GALK2: variants seen among roughly 807,000 people sequenced by gnomAD.
The protein encoded by GALK2 is galactokinase 2.
GALK2 carries 36 observed loss-of-function variants against 52.4 expected under a neutral mutation model. That is an observed-to-expected ratio of 0.69 (90% CI 0.53 to 0.91). The LOEUF (loss-of-function observed/expected upper bound fraction) is 0.91, where lower values mean the gene tolerates loss of function less well. Ranked by LOEUF, GALK2 falls within the 40% of genes least tolerant of loss-of-function variation. The pLI, the probability that GALK2 is intolerant of heterozygous loss-of-function variation, is 0.00. For synonymous variants in GALK2, 176 were observed against 199.1 expected (o/e 0.88, Z 0.98); for missense variants, 579 against 559.1 (o/e 1.04, Z -0.36).
At chr15:49,156,276 G>A (rs573087613) in intron 1 of GALK2, 230 of 490,472 alleles carry the variant, frequency 4.7e-4, no homozygotes, top group Admixed American at 9.4e-4. Flanking sequence ...ACAACGACTG[G>A]TTTTTAAAAA....
chr15:49,185,605 T>C (rs2086283758), intron 1 of GALK2: 1 of 152,216 alleles, frequency 6.6e-6, no homozygotes, highest in African/African-American at 2.4e-5. Context: ...GTCCCCTTTT[T>C]CTCTGCAGCC....
At chr15:49,241,800 T>C (rs1455529221) in intron 5 of GALK2, among the ~76,000 whole-genome samples, 1 of 152,146 alleles carries the variant, frequency 6.6e-6, no homozygotes, top group Non-Finnish European at 1.5e-5. Flanking sequence ...ATCTAAGAAA[T>C]AGGAAGGAAA....
chr15:49,307,591 T>G (rs1482761732), intron 8 of GALK2, among the ~76,000 whole-genome samples: 1 of 151,956 alleles, frequency 6.6e-6, no homozygotes, highest in East Asian at 1.9e-4. Flanking sequence ...GACCCTGGAG[T>G]TATTTACAGA....
intron 1 of GALK2, among the ~76,000 whole-genome samples, chr15:49,163,553 A>C (rs1437684920): frequency 6.6e-6 from 1 of 152,168 alleles, no homozygotes; most frequent in African/African-American, 2.4e-5. Flanking sequence ...ATGGATGTCA[A>C]ATTGTTCCAG....
chr15:49,287,123 A>G (rs1567023129), intron 7 of GALK2, among the ~76,000 whole-genome samples: 1 of 152,160 alleles, frequency 6.6e-6, no homozygotes. Context: ...GTAGCTGAAG[A>G]TCTTAATCCA....
chr15:49,365,409 C>G, intron 3 of GALK2: 1 of 1,063,284 alleles, frequency 9.4e-7, no homozygotes, highest in Admixed American at 1.7e-5. Flanking sequence ...TAAACATCAA[C>G]TCTTCTACAG....
At chr15:49,247,932 C>G (rs2091429833) in intron 5 of GALK2, among the ~76,000 whole-genome samples, 1 of 152,182 alleles carries the variant, frequency 6.6e-6, no homozygotes, top group African/African-American at 2.4e-5. Flanking sequence ...GGGGTTGATA[C>G]TCTTTTCAGG....
intron 5 of GALK2, among the ~76,000 whole-genome samples, chr15:49,246,502 C>T (rs1194447975): frequency 6.6e-6 from 1 of 152,064 alleles, no homozygotes; most frequent in African/African-American, 2.4e-5. Flanking sequence ...ATCCCCCATA[C>T]TGAAGTCTAA....
chr15:49,217,595 C>T (rs531506025), intron 3 of GALK2, among the ~76,000 whole-genome samples: 2 of 152,192 alleles, frequency 1.3e-5, no homozygotes, highest in Non-Finnish European at 2.9e-5. Flanking sequence ...TACTTATCAT[C>T]TATTGATCTA....
chr15:49,187,830 G>T (rs184149054), intron 1 of GALK2, among the ~76,000 whole-genome samples: 1 of 152,154 alleles, frequency 6.6e-6, no homozygotes, highest in Admixed American at 6.5e-5. Flanking sequence ...CTCCCTTCAG[G>T]GTAGTGAGCT....
chr15:49,303,874 A>G (rs998348545), intron 8 of GALK2, among the ~76,000 whole-genome samples: 5 of 152,218 alleles, frequency 3.3e-5, no homozygotes, highest in Admixed American at 1.3e-4. Flanking sequence ...AAAATGTATA[A>G]TTTCTAAACT....
rs75746861 is a variant in GALK2, at chr15:49,321,966, T to C, written c.1169+2161T>C. On this transcript the variant is annotated intron_variant, in intron 9 of 9. Transcript: ENST00000560031. ...AAAAGTGGGCTGGAAGTGAGGAAGC[T>C]TGGATTCCGACTCTCTTTTCATTCT... 3.0e-3 allele frequency among the ~76,000 whole-genome samples: 461 copies of C among 152,292 alleles called. 6 individuals are homozygous for C. Among genetic ancestry groups the C allele is most frequent in the African/African-American group, 0.011 (437 of 41,558 alleles).
chr15:49,174,031 C>T (rs766338634), intron 1 of GALK2, among the ~76,000 whole-genome samples: 30 of 152,064 alleles, frequency 2.0e-4, no homozygotes, highest in African/African-American at 3.6e-4. Flanking sequence ...CGCTGTGCCC[C>T]GGACTATTTC....
At chr15:49,287,533 ATTCTT>A (rs750183354) in intron 7 of GALK2, among the ~76,000 whole-genome samples, 9 of 152,170 alleles carry the variant, frequency 5.9e-5, no homozygotes, top group African/African-American at 1.7e-4. Context: ...ATATGGTTCT[ATTCTT>A]CCATTTTTGG....
chr15:49,159,863 C>T (rs2084590361), intron 1 of GALK2, among the ~76,000 whole-genome samples: 1 of 152,060 alleles, frequency 6.6e-6, no homozygotes, highest in Non-Finnish European at 1.5e-5. Flanking sequence ...TGTGTGTGTT[C>T]CCTGTATCAG....
At chr15:49,268,722 G>C (rs2029880529) in intron 5 of GALK2, among the ~76,000 whole-genome samples, 2 of 152,080 alleles carry the variant, frequency 1.3e-5, no homozygotes, top group Admixed American at 1.3e-4. Flanking sequence ...TTCTTCTACT[G>C]TCTCTCTTTA....
intron 2 of GALK2, among the ~76,000 whole-genome samples, chr15:49,211,636 C>T (rs919315663): frequency 1.2e-4 from 18 of 152,052 alleles, no homozygotes; most frequent in African/African-American, 4.1e-4. Context: ...GCAGGCTGTA[C>T]AGGAAGCATG....
At chr15:49,213,020 G>A (rs2089053719) in intron 2 of GALK2, among the ~76,000 whole-genome samples, 1 of 152,108 alleles carries the variant, frequency 6.6e-6, no homozygotes, top group Non-Finnish European at 1.5e-5. Context: ...GTTCTATAGT[G>A]CAGATTAAGT....
intron 1 of GALK2, among the ~76,000 whole-genome samples, chr15:49,162,502 T>C (rs1216650384): frequency 6.6e-6 from 1 of 152,256 alleles, no homozygotes; most frequent in African/African-American, 2.4e-5. Context: ...GGGTAATTTA[T>C]GGTAGACAGA....
Sources: allele counts gnomAD v4.1 joint callset (sites outside exome capture counted in the v4.1 genomes callset), GRCh38; gene constraint gnomAD v4.1.1; transcripts MANE v1.5; gene names NCBI Gene and HGNC (gene_info 2026-07-23, HGNC 2026-07-21).